Variants in DGKB observed in about 807,000 individuals in gnomAD.
DGKB encodes diacylglycerol kinase beta.
DGKB carries 67 observed loss-of-function variants against 114.3 expected under a neutral mutation model. That is an observed-to-expected ratio of 0.59 (90% CI 0.48 to 0.72). DGKB has a LOEUF of 0.72. DGKB is among the 30% of genes least tolerant of loss of function. The probability of loss-of-function intolerance (pLI) is 0.00; values close to 1 mark genes in which losing one functional copy is unlikely to be tolerated. For synonymous variants in DGKB, 398 were observed against 323.1 expected (o/e 1.23, Z -2.49); for missense variants, 907 against 975.2 (o/e 0.93, Z 0.93).
rs34394472 is a variant in DGKB, at chr7:14,345,319, A to G, written c.1908T>C (p.His636=). The G allele has an allele frequency of 1.4e-5, 22 of 1,540,956 alleles. No individual in the cohort carries two copies. Among genetic ancestry groups the G allele is most frequent in the Non-Finnish European group, 1.8e-5 (21 of 1,140,052 alleles). Residue 636 remains histidine, a synonymous_variant, in exon 22 of 26, where the codon CAT becomes CAC. Coordinates refer to ENST00000402815, the MANE Select transcript of DGKB (RefSeq NM_001350709.2). ...TTCTTACTTCTATTTCTACAGATTC[A>G]TGTAGCTTCTTGCAGGTGGCTGAGA... ...ETFSATCKKL[H]ESVEIECDGV...
At position 14,682,579 on chromosome 7, in the gene DGKB, G is replaced by T; in HGVS notation, c.1009C>A (p.Leu337Met). Residue 337 changes from leucine to methionine, a missense_variant, in exon 12 of 26, where the codon CTG (leucine) becomes ATG (methionine). By Grantham distance (15) the Leu-to-Met change is conservative. Coordinates refer to ENST00000402815, the MANE Select transcript of DGKB (RefSeq NM_001350709.2). ...GTGATCTGACACCAAACACAATGCAGTCCTGTCAGGCCCTGGTAACATTTA... is the reference window on the plus strand; with the variant it reads ...GTGATCTGACACCAAACACAATGCATTCCTGTCAGGCCCTGGTAACATTTA... ...TVKCYQGLTG[L>M]HCVWCQITLH... is the part of the protein sequence containing the mutation. 6.2e-7 allele frequency: 1 copy of T among 1,613,156 alleles called. No homozygotes were observed.
intron 2 of DGKB, among the ~76,000 whole-genome samples, chr7:14,825,888 T>C (rs1845640193): frequency 6.6e-6 from 1 of 152,142 alleles, no homozygotes; most frequent in African/African-American, 2.4e-5. Context: ...GATAAACTAT[T>C]AGGAGGAGGA....
intron 23 of DGKB, chr7:14,209,500 C>T (rs1347574642): frequency 2.0e-6 from 1 of 496,368 alleles, no homozygotes; most frequent in Non-Finnish European, 4.2e-6. Flanking sequence ...GTTTTTTTAT[C>T]CTATATTCAG....
Position 14,369,704 on chromosome 7 carries a change from C to A in DGKB, c.1836-24313G>T, listed in dbSNP as rs370444700. ...TATCTTTTTTTATATGTTTGTTGGCCACATAAATGTCCTCTTTTGAGAAGT... is the reference window on the plus strand; with the variant it reads ...TATCTTTTTTTATATGTTTGTTGGCAACATAAATGTCCTCTTTTGAGAAGT... On this transcript the variant is annotated intron_variant, in intron 21 of 25. Coordinates refer to ENST00000402815, the MANE Select transcript of DGKB (RefSeq NM_001350709.2). Among the ~76,000 whole-genome samples, 43 of 152,166 alleles carry A rather than the reference C, an allele frequency of 2.8e-4. No individual in the cohort carries two copies. The South Asian group carries it at 5.0e-3, about 18-fold the overall frequency.
chr7:14,426,128 A>G (rs766651285), intron 21 of DGKB, among the ~76,000 whole-genome samples: 12 of 152,226 alleles, frequency 7.9e-5, no homozygotes, highest in Non-Finnish European at 1.2e-4. Context: ...TAAGAGAAAC[A>G]TAACACAAGC....
At chr7:14,721,920 C>T (rs1204669717) in intron 5 of DGKB, among the ~76,000 whole-genome samples, 1 of 152,092 alleles carries the variant, frequency 6.6e-6, no homozygotes, top group African/African-American at 2.4e-5. Context: ...AGAGATTGAA[C>T]ACTGCTTTAT....
intron 2 of DGKB, among the ~76,000 whole-genome samples, chr7:14,804,079 G>T (rs1390414481): frequency 6.6e-6 from 1 of 151,534 alleles, no homozygotes; most frequent in Non-Finnish European, 1.5e-5. Context: ...GGGTGTGTGT[G>T]TGTGTGTGTG....
intron 21 of DGKB, among the ~76,000 whole-genome samples, chr7:14,444,884 C>T (rs1830525788): frequency 6.6e-6 from 1 of 151,736 alleles, no homozygotes; most frequent in Admixed American, 6.6e-5. Flanking sequence ...AAATAATATA[C>T]TGTCAAAACC....
intron 23 of DGKB, chr7:14,209,524 G>A (rs1372865407): frequency 2.0e-6 from 1 of 503,612 alleles, no homozygotes; most frequent in South Asian, 1.5e-5. Context: ...GTCATATGCA[G>A]TCTTCAGCTG....
At chr7:14,337,073 GT>G (rs1381556891) in intron 23 of DGKB, among the ~76,000 whole-genome samples, 1 of 152,006 alleles carries the variant, frequency 6.6e-6, no homozygotes, top group Non-Finnish European at 1.5e-5. Context: ...TTACAAAAGG[GT>G]TTTTTAAGCT....
chr7:14,481,090 T>C (rs188428479), intron 20 of DGKB, among the ~76,000 whole-genome samples: 80 of 152,108 alleles, frequency 5.3e-4, no homozygotes, highest in African/African-American at 9.6e-4. Flanking sequence ...CATTGTGTTA[T>C]TCAAACAGTA....
intron 23 of DGKB, among the ~76,000 whole-genome samples, chr7:14,181,402 G>T (rs955055155): frequency 1.3e-5 from 2 of 152,184 alleles, no homozygotes; most frequent in African/African-American, 4.8e-5. Context: ...CACAGTGTAT[G>T]TAACCATGCA....
At chr7:14,269,862 A>G (rs897235986) in intron 23 of DGKB, among the ~76,000 whole-genome samples, 5 of 152,136 alleles carry the variant, frequency 3.3e-5, no homozygotes, top group Admixed American at 2.0e-4. Flanking sequence ...AGACTTTATA[A>G]CACAGTTTCT....
chr7:14,740,366 G>A (rs980767132), intron 4 of DGKB, among the ~76,000 whole-genome samples: 1 of 152,072 alleles, frequency 6.6e-6, no homozygotes, highest in African/African-American at 2.4e-5. Flanking sequence ...ACACAGCCCT[G>A]TGAGTACAGG....
chr7:14,166,751 G>C (rs1784663923), intron 25 of DGKB, among the ~76,000 whole-genome samples: 1 of 148,544 alleles, frequency 6.7e-6, no homozygotes, highest in Non-Finnish European at 1.5e-5. Flanking sequence ...TTAGTTTTTA[G>C]TTTTTTTCTC....
intron 21 of DGKB, among the ~76,000 whole-genome samples, chr7:14,430,969 A>G (rs1828366510): frequency 1.3e-5 from 2 of 152,136 alleles, no homozygotes. Flanking sequence ...CCTACCTCAG[A>G]GAGGAATTTC....
chr7:14,181,264 A>T (rs1234306119), intron 23 of DGKB, among the ~76,000 whole-genome samples: 1 of 152,120 alleles, frequency 6.6e-6, no homozygotes, highest in Non-Finnish European at 1.5e-5. Flanking sequence ...AAGTTTGCCC[A>T]CCTATGCTTT....
At position 14,205,785 on chromosome 7, in the gene DGKB, A is replaced by G. The variant is rs10486047; in HGVS notation, c.2123-27634T>C. 9.9e-3 allele frequency among the ~76,000 whole-genome samples: 1,507 copies of G among 152,120 alleles called. 13 individuals carry two copies. Among genetic ancestry groups the G allele is most frequent in the Non-Finnish European group, 0.017 (1,170 of 67,972 alleles). On this transcript the variant is annotated intron_variant, in intron 23 of 25. Coordinates refer to ENST00000402815, the MANE Select transcript of DGKB (RefSeq NM_001350709.2). The stretch of plus-strand genomic sequence containing the variant: ...CAACTGCTTCTATGTTGTACTCTGC[A>G]AAAAATCACACGGCCAGAATGAGGG...
intron 23 of DGKB, among the ~76,000 whole-genome samples, chr7:14,232,546 C>T (rs1792073913): frequency 6.6e-6 from 1 of 151,734 alleles, no homozygotes; most frequent in Admixed American, 6.6e-5. Context: ...GAGACAAAAG[C>T]AAGAGAATCA....
Sources: gnomAD v4.1 joint callset for allele counts (sites outside exome capture counted in the v4.1 genomes callset) on GRCh38, gnomAD v4.1.1 for gene constraint, MANE v1.5 for transcripts, NCBI Gene and HGNC (gene_info 2026-07-23, HGNC 2026-07-21) for gene names.